Variants in DAP3 observed in about 807,000 individuals in gnomAD.
DAP3 encodes death associated protein 3.
In DAP3, 28 loss-of-function variants were observed where a neutral mutation model predicts 51.9. The ratio of observed to expected loss-of-function variants is 0.54; its 90% CI spans 0.40 to 0.74. The LOEUF is 0.74. DAP3 is among the 30% of genes least tolerant of loss of function. The pLI is 0.00. For missense variants in DAP3, 458 were observed against 483.5 expected, an observed-to-expected ratio of 0.95 and a Z score of 0.49; for synonymous variants, 170 against 170.3, an observed-to-expected ratio of 1.00 and a Z score of 0.01.
chr1:155,717,441 C>T (rs621181), intron 3 of DAP3, among the ~76,000 whole-genome samples: 25,051 of 152,050 alleles, frequency 0.16, 4,521 homozygotes, highest in African/African-American at 0.45. Flanking sequence ...TCTTACTGGG[C>T]AAGTTTACCA....
upstream of DAP3, chr1:155,688,247 G>C (rs1448721620): frequency 6.2e-7 from 1 of 1,609,218 alleles, no homozygotes. Flanking sequence ...GAGGGCTAAA[G>C]GGGCAAACTG....
chr1:155,713,871 TACTC>T (rs947427986), intron 2 of DAP3, among the ~76,000 whole-genome samples: 2 of 152,218 alleles, frequency 1.3e-5, no homozygotes, highest in Middle Eastern at 3.2e-3. Context: ...ATCTAATAGA[TACTC>T]AGTTAACAGT....
At chr1:155,733,712 C>CT (rs1416489741) in intron 11 of DAP3, among the ~76,000 whole-genome samples, 6 of 151,956 alleles carry the variant, frequency 3.9e-5, no homozygotes, top group Admixed American at 3.3e-4. Context: ...TGGTGCGTGC[C>CT]TATAGTCCCA....
At chr1:155,693,180 A>C (rs745912144) in intron 1 of DAP3, among the ~76,000 whole-genome samples, 5 of 141,840 alleles carry the variant, frequency 3.5e-5, no homozygotes, top group Admixed American at 6.6e-5. Context: ...CAAACGTGGA[A>C]TCAATACAGG....
rs372811843 is a variant in DAP3 at position 155,709,785 on chromosome 1, G to A, written c.6G>A (p.Met2Ile). 5.6e-6 allele frequency: 9 copies of A among 1,611,722 alleles called. No individual in the cohort carries two copies. The highest frequency in any genetic ancestry group is 6.8e-6 in the Non-Finnish European group (8 of 1,179,438). The change falls in exon 2 of 13, where the codon ATG (methionine) becomes ATA (isoleucine). Residue 2 changes from methionine (M) to isoleucine (I), a missense_variant. Transcript: ENST00000368336. Reference protein sequence around the residue: MMLKGITRLISR... With the variant: MILKGITRLISR... ...TTTTTTGTAACAGTGCAAGGATGATGCTGAAAGGAATAACAAGGCTTATCT... is the reference window on the plus strand; with the variant it reads ...TTTTTTGTAACAGTGCAAGGATGATACTGAAAGGAATAACAAGGCTTATCT...
Position 155,737,021 on chromosome 1 carries a change from A to G in DAP3, c.1069A>G (p.Ile357Val). ...NYNPKEFESC[I>V]QYYLENNWLQ... ...TAACCCAAAGGAATTTGAAAGTTGT[A>G]TTCAGTATTATTTGGAAAACAATTG... Residue 357 changes from isoleucine (I) to valine (V), a missense_variant, in exon 12 of 13, where the codon ATT becomes GTT. Ile to Val is a conservative substitution (Grantham distance 29, BLOSUM62 3). Coordinates refer to ENST00000368336, the MANE Select transcript of DAP3 (RefSeq NM_004632.4). 1 of 1,614,064 alleles carries G rather than the reference A, an allele frequency of 6.2e-7. No homozygotes were observed. Among genetic ancestry groups the G allele is most frequent in the Non-Finnish European group, 8.5e-7 (1 of 1,179,964 alleles).
At chr1:155,700,215 A>G (rs1655007070) in intron 1 of DAP3, among the ~76,000 whole-genome samples, 1 of 152,026 alleles carries the variant, frequency 6.6e-6, no homozygotes, top group Non-Finnish European at 1.5e-5. Flanking sequence ...GATTACAGGC[A>G]TGAGCCACTG....
intron 1 of DAP3, among the ~76,000 whole-genome samples, chr1:155,699,208 C>CAT (rs1447110681): frequency 1.3e-5 from 2 of 152,174 alleles, no homozygotes; most frequent in African/African-American, 4.8e-5. Flanking sequence ...GGCAGTACGT[C>CAT]ATACACGTAA....
At chr1:155,731,446 GA>G (rs781121612) in intron 10 of DAP3, 31 bp downstream of exon 10, 34 of 1,594,154 alleles carry the variant, frequency 2.1e-5, no homozygotes, top group Non-Finnish European at 2.8e-5. Context: ...ACACATTTCA[GA>G]AAGAAATGTA....
chr1:155,690,263 G>C (rs1188036690), intron 1 of DAP3, among the ~76,000 whole-genome samples: 1 of 141,206 alleles, frequency 7.1e-6, no homozygotes, highest in African/African-American at 3.2e-5. Flanking sequence ...ACAGAAAGAA[G>C]ACATTAGGCT....
At chr1:155,688,227 G>C (rs772359176), upstream of DAP3, 1 of 1,613,202 alleles carries the variant, frequency 6.2e-7, no homozygotes, top group South Asian at 1.1e-5. Context: ...GAGAGGAGAA[G>C]GGAAAGGTGG....
At chr1:155,698,109 T>C (rs1230106776) in intron 1 of DAP3, among the ~76,000 whole-genome samples, 1 of 152,206 alleles carries the variant, frequency 6.6e-6, no homozygotes, top group Non-Finnish European at 1.5e-5. Context: ...GGTGCCCAGA[T>C]TTCACATTAT....
chr1:155,703,901 A>G (rs1394305665), intron 1 of DAP3, among the ~76,000 whole-genome samples: 2 of 152,174 alleles, frequency 1.3e-5, no homozygotes, highest in Non-Finnish European at 2.9e-5. Context: ...CAATCTCAGC[A>G]CTTTGCGAGG....
chr1:155,736,921 T>G (rs775854241), intron 11 of DAP3, 25 bp from the exon 12 acceptor site: 1 of 1,567,984 alleles, frequency 6.4e-7, no homozygotes, highest in Non-Finnish European at 8.8e-7. Context: ...AACTAACATG[T>G]TTCCTGATCC....
In DAP3 at chr1:155,725,959, C is replaced by T. The variant is rs756492236; in HGVS notation, c.412C>T (p.Leu138Phe). The part of the protein sequence containing the change: ...GEKGTGKTLS[L>F]CHVIHFCAKQ... Reference sequence around the variant, plus strand: ...GAAGGGAACAGGAAAAACCCTAAGTCTTTGCCATGTTATTCATTTCTGTGC... The same window carrying T: ...GAAGGGAACAGGAAAAACCCTAAGTTTTTGCCATGTTATTCATTTCTGTGC... The change falls in exon 6 of 13, where the codon CTT (leucine) becomes TTT (phenylalanine). Residue 138 changes from leucine (L) to phenylalanine (F), a missense_variant. Coordinates refer to ENST00000368336, the MANE Select transcript of DAP3 (RefSeq NM_004632.4). 1 of 1,614,022 alleles carries T rather than the reference C, an allele frequency of 6.2e-7. No homozygotes were observed. The highest frequency in any genetic ancestry group is 8.5e-7 in the Non-Finnish European group (1 of 1,180,010).
chr1:155,714,314 C>T (rs1357868378), intron 2 of DAP3, among the ~76,000 whole-genome samples: 1 of 152,188 alleles, frequency 6.6e-6, no homozygotes, highest in African/African-American at 2.4e-5. Context: ...AGTCCTTCCA[C>T]TTTAGTTCCC....
chr1:155,709,892 T>G (rs1416809221), intron 2 of DAP3, 68 bp downstream of exon 2: 3 of 1,478,442 alleles, frequency 2.0e-6, no homozygotes, highest in African/African-American at 1.4e-5. Context: ...TGTTTTCAGA[T>G]GGATTCATTG....
At chr1:155,710,638 A>G (rs397832420) in intron 2 of DAP3, 1 of 152,230 alleles carries the variant, frequency 6.6e-6, no homozygotes, top group East Asian at 1.9e-4. Context: ...ACACTAAGTG[A>G]TTTATTTTTT....
chr1:155,723,310 G>A (rs1409057188), intron 4 of DAP3, among the ~76,000 whole-genome samples: 1 of 152,012 alleles, frequency 6.6e-6, no homozygotes, highest in African/African-American at 2.4e-5. Flanking sequence ...TTACAGGTGT[G>A]AGCCACAGCT....
Sources: gnomAD v4.1 joint callset for allele counts (sites outside exome capture counted in the v4.1 genomes callset) on GRCh38, gnomAD v4.1.1 for gene constraint, MANE v1.5 for transcripts, NCBI Gene and HGNC (gene_info 2026-07-23, HGNC 2026-07-21) for gene names.